Variants in MAGI1 observed in about 807,000 individuals in gnomAD.
The protein encoded by MAGI1 is membrane associated guanylate kinase, WW and PDZ domain containing 1.
MAGI1 carries 58 observed loss-of-function variants against 139.9 expected under a neutral mutation model. The ratio of observed to expected loss-of-function variants is 0.41; its 90% confidence interval spans 0.34 to 0.52. The LOEUF (loss-of-function observed/expected upper bound fraction) is 0.52, where lower values mean the gene tolerates loss of function less well. Ranked by LOEUF, MAGI1 falls within the 20% of genes least tolerant of loss-of-function variation. The pLI is 0.12. For missense variants in MAGI1, 1,874 were observed against 1,901.6 expected, an observed-to-expected ratio of 0.99 and a Z score of 0.27; for synonymous variants, 812 against 737.9, an observed-to-expected ratio of 1.10 and a Z score of -1.63.
intron 1 of MAGI1, among the ~76,000 whole-genome samples, chr3:65,707,236 C>T (rs2030481691): frequency 6.6e-6 from 1 of 152,170 alleles, no homozygotes; most frequent in African/African-American, 2.4e-5. Context: ...TTCACACTTC[C>T]AAATTAAATA....
chr3:65,992,124 T>C (rs1348199482), intron 1 of MAGI1, among the ~76,000 whole-genome samples: 1 of 152,174 alleles, frequency 6.6e-6, no homozygotes, highest in Non-Finnish European at 1.5e-5. Flanking sequence ...CGGAGTTTGG[T>C]CATGGGTAAG....
intron 1 of MAGI1, among the ~76,000 whole-genome samples, chr3:65,971,744 C>T (rs1435479436): frequency 6.6e-6 from 1 of 152,186 alleles, no homozygotes; most frequent in Non-Finnish European, 1.5e-5. Flanking sequence ...GGGAGAAGCC[C>T]TCCCAGCTTC....
At chr3:65,387,092 C>A (rs534049202) in intron 14 of MAGI1, 2 of 1,518,066 alleles carry the variant, frequency 1.3e-6, no homozygotes, top group South Asian at 1.1e-5. Flanking sequence ...ATGAGAACAT[C>A]AAACAAGATG....
At chr3:65,616,591 T>G (rs1437734141) in intron 2 of MAGI1, among the ~76,000 whole-genome samples, 1 of 152,220 alleles carries the variant, frequency 6.6e-6, no homozygotes, top group Admixed American at 6.5e-5. Context: ...TGCCACAGGC[T>G]AGGCTTTGTA....
intron 1 of MAGI1, among the ~76,000 whole-genome samples, chr3:65,920,473 T>C (rs1433532565): frequency 1.3e-5 from 2 of 152,204 alleles, no homozygotes; most frequent in African/African-American, 4.8e-5. Context: ...ATAATACATG[T>C]GTCAGGTGAA....
chr3:65,952,282 C>T (rs926266849), intron 1 of MAGI1, among the ~76,000 whole-genome samples: 1 of 152,152 alleles, frequency 6.6e-6, no homozygotes, highest in African/African-American at 2.4e-5. Flanking sequence ...TTTGCCTTGG[C>T]TCATTCCTGT....
At chr3:65,782,814 C>A (rs1445026067) in intron 1 of MAGI1, among the ~76,000 whole-genome samples, 3 of 151,380 alleles carry the variant, frequency 2.0e-5, no homozygotes, top group Non-Finnish European at 4.4e-5. Context: ...GTCCTCACAA[C>A]CTTTGAGCCA....
intron 10 of MAGI1, among the ~76,000 whole-genome samples, chr3:65,435,068 A>G (rs1463925777): frequency 6.6e-6 from 1 of 152,184 alleles, no homozygotes; most frequent in Non-Finnish European, 1.5e-5. Flanking sequence ...GTGGACCCTC[A>G]TTGGACACTC....
intron 1 of MAGI1, among the ~76,000 whole-genome samples, chr3:65,955,069 G>A (rs943283871): frequency 3.3e-5 from 5 of 152,040 alleles, no homozygotes; most frequent in Non-Finnish European, 5.9e-5. Context: ...TCTCTCATCT[G>A]GTCTTTCTTC....
intron 1 of MAGI1, among the ~76,000 whole-genome samples, chr3:65,977,083 T>A (rs2065300829): frequency 6.6e-6 from 1 of 152,226 alleles, no homozygotes; most frequent in Admixed American, 6.5e-5. Flanking sequence ...CTGGGCTTTT[T>A]AGTGATGCTC....
rs563273458 is a variant in MAGI1 at position 65,823,666 on chromosome 3, T to C, written c.314-201578A>G. On this transcript the variant is annotated intron_variant, in intron 1 of 22. Coordinates refer to ENST00000402939, the MANE Select transcript of MAGI1 (RefSeq NM_001033057.2). ...CTGCAGTACTGACAGCTTTTATACC[T>C]AATCTCTATTTTTATGAGAAGGCAA... Among the ~76,000 whole-genome samples the C allele has an allele frequency of 4.8e-4, 73 of 152,352 alleles. 1 individual carries two copies. The highest frequency in any genetic ancestry group is 1.8e-3 in the African/African-American group (73 of 41,578).
chr3:65,929,151 C>T lies in MAGI1; in HGVS notation c.313+108845G>A, dbSNP rs200398057. Among the ~76,000 whole-genome samples the T allele has an allele frequency of 4.7e-3, 469 of 99,904 alleles. 3 individuals carry two copies. The highest frequency in any genetic ancestry group is 0.019 in the African/African-American group (444 of 22,908). The allele number at this position is 99,904 out of a possible 152,430, so 65.5% of individuals were successfully genotyped here. A position where few individuals can be genotyped will look rare whatever the true frequency, so the allele number is the denominator to read the frequency against. ...CCTGAGTGACAAAGGGAGACAATGCCGCAAAAAAAAAGAAAAAAGAAAAAA... is the reference window on the plus strand; with the variant it reads ...CCTGAGTGACAAAGGGAGACAATGCTGCAAAAAAAAAGAAAAAAGAAAAAA... On this transcript the variant is annotated intron_variant, in intron 1 of 22. Coordinates refer to ENST00000402939, the MANE Select transcript of MAGI1 (RefSeq NM_001033057.2).
At chr3:65,801,663 T>G (rs2040522855) in intron 1 of MAGI1, among the ~76,000 whole-genome samples, 1 of 152,214 alleles carries the variant, frequency 6.6e-6, no homozygotes, top group Admixed American at 6.5e-5. Flanking sequence ...CTCTCAACTC[T>G]TTAAAAAATG....
At chr3:65,891,923 TATATATATATATATATATAC>T (rs2060782256) in intron 1 of MAGI1, among the ~76,000 whole-genome samples, 1 of 109,760 alleles carries the variant, frequency 9.1e-6, no homozygotes, top group African/African-American at 3.7e-5. Context: ...TATATATATA[TATATATATATATATATATAC>T]CCGTGTTGCT....
chr3:65,841,429 CTTTTTG>C (rs796888140), intron 1 of MAGI1, among the ~76,000 whole-genome samples: 114 of 142,102 alleles, frequency 8.0e-4, no homozygotes, highest in African/African-American at 2.0e-3. Context: ...TTTTGTTTTG[CTTTTTG>C]TTTTTGTTTT....
chr3:65,559,110 T>C (rs2080219128), intron 2 of MAGI1, among the ~76,000 whole-genome samples: 1 of 152,188 alleles, frequency 6.6e-6, no homozygotes, highest in Non-Finnish European at 1.5e-5. Context: ...CTTCTTGGAG[T>C]CCATTTTCCT....
chr3:66,010,053 G>A (rs938409179), intron 1 of MAGI1, among the ~76,000 whole-genome samples: 1 of 120,138 alleles, frequency 8.3e-6, no homozygotes, highest in Non-Finnish European at 1.6e-5. Context: ...TCCAGCCTGG[G>A]TGACAAAGTG....
intron 1 of MAGI1, among the ~76,000 whole-genome samples, chr3:65,885,453 T>C (rs990798041): frequency 1.3e-5 from 2 of 151,868 alleles, no homozygotes; most frequent in African/African-American, 4.8e-5. Context: ...CTATCAAGTA[T>C]AATGAGGGGG....
At chr3:65,561,130 A>G (rs895923479) in intron 2 of MAGI1, among the ~76,000 whole-genome samples, 1 of 152,206 alleles carries the variant, frequency 6.6e-6, no homozygotes, top group African/African-American at 2.4e-5. Context: ...ACCTCCAGGT[A>G]GAAAAAGCTT....
Sources: gnomAD v4.1 joint callset for allele counts (sites outside exome capture counted in the v4.1 genomes callset) on GRCh38, gnomAD v4.1.1 for gene constraint, MANE v1.5 for transcripts, NCBI Gene and HGNC (gene_info 2026-07-23, HGNC 2026-07-21) for gene names.